The following MKNK1 variants were observed in gnomAD, a reference collection of about 807,000 sequenced individuals.
The protein encoded by MKNK1 is MAP kinase-interacting serine/threonine-protein kinase 1.
A neutral mutation model predicts 49.3 loss-of-function variants in MKNK1; 30 were observed. The observed-to-expected ratio is 0.61, with a 90% CI of 0.46 to 0.83. The LOEUF is 0.83. Ranked by LOEUF, MKNK1 falls within the 40% of genes least tolerant of loss-of-function variation. The pLI, the probability that MKNK1 is intolerant of heterozygous loss-of-function variation, is 0.00. For synonymous variants in MKNK1, 176 were observed against 201.7 expected (o/e 0.87, Z 1.08); for missense variants, 423 against 524.7 (o/e 0.81, Z 1.89).
chr1:46,571,057 A>T (rs889575743), intron 7 of MKNK1, among the ~76,000 whole-genome samples: 18 of 152,168 alleles, frequency 1.2e-4, no homozygotes, highest in Admixed American at 2.0e-4. Context: ...AGGCAAATTT[A>T]AAAAAAAGTA....
Position 46,558,719 on chromosome 1 carries a change from G to C in MKNK1, c.1095C>G (p.Asn365Lys). The C allele has an allele frequency of 6.2e-7, 1 of 1,614,246 alleles. No individual in the cohort carries two copies. The highest frequency in any genetic ancestry group is 8.5e-7 in the Non-Finnish European group (1 of 1,180,040). ...LNRQLSQHEENELAEEPEALA... is the reference protein window; with the variant it reads ...LNRQLSQHEEKELAEEPEALA... The stretch of plus-strand genomic sequence containing the variant: ...GTGCCTCTGGCTCCTCTGCTAGTTC[G>C]TTCTCTTCGTGCTGAGATAGCTGGC... The change falls in exon 13 of 13, where the codon AAC (asparagine) becomes AAG (lysine). Residue 365 changes from asparagine to lysine, a missense_variant. Physicochemically the swap from Asn to Lys is moderately conservative, Grantham distance 94. Coordinates refer to ENST00000371945, the MANE Select transcript of MKNK1 (RefSeq NM_001135553.4).
intron 3 of MKNK1, among the ~76,000 whole-genome samples, chr1:46,582,487 G>T (rs1345497779): frequency 6.6e-6 from 1 of 152,200 alleles, no homozygotes; most frequent in Non-Finnish European, 1.5e-5. Context: ...ATTCACTAGT[G>T]TGTCTGGAAG....
At chr1:46,570,963 C>G (rs900860254) in intron 7 of MKNK1, among the ~76,000 whole-genome samples, 5 of 152,080 alleles carry the variant, frequency 3.3e-5, no homozygotes, top group Non-Finnish European at 7.3e-5. Flanking sequence ...AAATTCTCAC[C>G]ATAGGGTAGG....
chr1:46,590,990 G>A (rs970625768), intron 2 of MKNK1, among the ~76,000 whole-genome samples: 1 of 152,182 alleles, frequency 6.6e-6, no homozygotes, highest in African/African-American at 2.4e-5. Flanking sequence ...TATGAAAGAT[G>A]AGCTACCAAC....
At chr1:46,595,936 C>A (rs1449583338) in intron 1 of MKNK1, among the ~76,000 whole-genome samples, 1 of 152,104 alleles carries the variant, frequency 6.6e-6, no homozygotes, top group East Asian at 1.9e-4. Flanking sequence ...TTTGTAGACA[C>A]AGGGTCTCAC....
At chr1:46,567,672 C>T (rs1669303577) in intron 8 of MKNK1, among the ~76,000 whole-genome samples, 1 of 152,136 alleles carries the variant, frequency 6.6e-6, no homozygotes, top group African/African-American at 2.4e-5. Flanking sequence ...TCATCCAGAC[C>T]ACAATATATA....
Position 46,562,744 on chromosome 1 carries a change from C to G in MKNK1, c.709G>C (p.Val237Leu). 1 of 1,605,264 alleles carries G rather than the reference C, an allele frequency of 6.2e-7. No homozygotes were observed. The highest frequency in any genetic ancestry group is 8.5e-7 in the Non-Finnish European group (1 of 1,175,442). ...TAGCCACTCAGCATGATGTAGAGGA[C>G]CACGCCCAGGCTCCACAGGTCACAG... Reference protein sequence around the residue: ...KRCDLWSLGVVLYIMLSGYPP... With the variant: ...KRCDLWSLGVLLYIMLSGYPP... The change falls in exon 10 of 13, where the codon GTC (valine) becomes CTC (leucine). Residue 237 changes from valine (V) to leucine (L), a missense_variant. Val to Leu is a conservative substitution (Grantham distance 32). Transcript: ENST00000371945.
At position 46,558,757 on chromosome 1, in the gene MKNK1, T is replaced by C. The variant is rs1346870739; in HGVS notation, c.1057A>G (p.Ile353Val). ...TGAGATAGCTGGCGGTTAAGGGCGA[T>C]GGCCTCAGCTGCGAAGAGCGTCAGG... is the stretch of plus-strand genomic sequence containing the variant. Reference protein sequence around the residue: ...MDLTLFAAEAIALNRQLSQHE... With the variant: ...MDLTLFAAEAVALNRQLSQHE... Residue 353 changes from isoleucine to valine, a missense_variant, in exon 13 of 13, where the codon ATC (isoleucine) becomes GTC (valine). Ile to Val is a conservative substitution (Grantham distance 29, BLOSUM62 3). Transcript: ENST00000371945. 6.2e-7 allele frequency: 1 copy of C among 1,614,074 alleles called. No individual in the cohort carries two copies. The highest frequency in any genetic ancestry group is 2.2e-5 in the East Asian group (1 of 44,900).
At chr1:46,571,636 AAG>A (rs1363200525) in intron 7 of MKNK1, 1 of 358,784 alleles carries the variant, frequency 2.8e-6, no homozygotes, top group African/African-American at 2.2e-5. Flanking sequence ...CAATTTTGAA[AAG>A]AGACAGAGGT....
chr1:46,558,925 G>C (rs1049227771), intron 12 of MKNK1, 125 bp from the exon 13 acceptor site: 2 of 777,350 alleles, frequency 2.6e-6, no homozygotes, highest in African/African-American at 3.5e-5. Flanking sequence ...GAGCTGGGAC[G>C]GGCTGCTCTC....
intron 1 of MKNK1, among the ~76,000 whole-genome samples, chr1:46,603,335 T>C (rs1674991522): frequency 1.3e-5 from 2 of 152,210 alleles, no homozygotes; most frequent in South Asian, 4.1e-4. Context: ...TAAATCCCAC[T>C]GAGGCTTCAA....
chr1:46,562,602 C>T, intron 10 of MKNK1, 47 bp downstream of exon 10: 3 of 1,524,662 alleles, frequency 2.0e-6, no homozygotes, highest in Non-Finnish European at 2.6e-6. Context: ...CCCAACCACA[C>T]TGACCCCTAG....
At chr1:46,560,458 G>A (rs533997949) in intron 11 of MKNK1, among the ~76,000 whole-genome samples, 181 bp from the exon 12 acceptor site, 33 of 152,280 alleles carry the variant, frequency 2.2e-4, no homozygotes, top group Admixed American at 1.9e-3. Flanking sequence ...ATCTGCAGCC[G>A]CAGCCCCCAA....
intron 1 of MKNK1, among the ~76,000 whole-genome samples, chr1:46,599,316 A>T (rs1341024092): frequency 6.6e-6 from 1 of 152,184 alleles, no homozygotes; most frequent in Non-Finnish European, 1.5e-5. Flanking sequence ...GAGAAAATGA[A>T]GAGACAGGAT....
At chr1:46,594,839 TA>T (rs1187470774) in intron 1 of MKNK1, 2 of 413,290 alleles carry the variant, frequency 4.8e-6, no homozygotes, top group East Asian at 9.7e-5. Context: ...ACAAAAATAC[TA>T]AAATTAGCCA....
intron 12 of MKNK1, among the ~76,000 whole-genome samples, chr1:46,559,174 C>T (rs1667490072): frequency 6.6e-6 from 1 of 152,236 alleles, no homozygotes; most frequent in Admixed American, 6.5e-5. Flanking sequence ...CAGAGCAAGG[C>T]CTGCGCCGCT....
At chr1:46,603,553 G>A (rs1488872913) in intron 1 of MKNK1, among the ~76,000 whole-genome samples, 6 of 152,148 alleles carry the variant, frequency 3.9e-5, no homozygotes. Flanking sequence ...GCTCTGGGAG[G>A]GGAAGCAGAC....
chr1:46,585,728 G>A, intron 2 of MKNK1: 1 of 518,416 alleles, frequency 1.9e-6, no homozygotes, highest in South Asian at 1.4e-5. Flanking sequence ...CGACTCTAAT[G>A]AGAAAACCCT....
At chr1:46,559,552 CCT>C (rs1407938994) in intron 12 of MKNK1, 1 of 153,510 alleles carries the variant, frequency 6.5e-6, no homozygotes, top group African/African-American at 2.4e-5. Flanking sequence ...CCACTCCTCA[CCT>C]CTCTCATCTA....
Sources: gnomAD v4.1 joint callset for allele counts (sites outside exome capture counted in the v4.1 genomes callset) on GRCh38, gnomAD v4.1.1 for gene constraint, MANE v1.5 for transcripts, NCBI Gene and HGNC (gene_info 2026-07-23, HGNC 2026-07-21) for gene names.